Variants in KHDRBS3 observed in about 807,000 individuals in gnomAD.
The protein encoded by KHDRBS3 is KH RNA binding domain containing, signal transduction associated 3, also known as KH domain-containing, RNA-binding, signal transduction-associated protein 3.
KHDRBS3 carries 23 observed loss-of-function variants against 45.6 expected under a neutral mutation model. That is an observed-to-expected ratio of 0.50 (90% CI 0.36 to 0.72). KHDRBS3 has a LOEUF of 0.72. Among genes scored for constraint, KHDRBS3 ranks in the 30% least tolerant of loss-of-function variants. KHDRBS3 has a pLI of 0.00. For missense variants in KHDRBS3, 352 were observed against 424.8 expected, an observed-to-expected ratio of 0.83 and a Z score of 1.51; for synonymous variants, 162 against 156.5, an observed-to-expected ratio of 1.04 and a Z score of -0.26.
chr8:135,645,010 A>G, intron 7 of KHDRBS3, 49 bp from the exon 8 acceptor site: 1 of 1,585,494 alleles, frequency 6.3e-7, no homozygotes, highest in Non-Finnish European at 8.6e-7. Flanking sequence ...TACTGTTGAA[A>G]CTCACAGCCA....
intron 1 of KHDRBS3, among the ~76,000 whole-genome samples, chr8:135,480,546 C>T (rs1279443136): frequency 1.3e-5 from 2 of 152,002 alleles, no homozygotes; most frequent in Non-Finnish European, 2.9e-5. Context: ...TTGTAGAACC[C>T]TGTGTAAGTA....
chr8:135,650,651 TTG>T (rs1831410671), downstream of KHDRBS3, among the ~76,000 whole-genome samples: 1 of 152,216 alleles, frequency 6.6e-6, no homozygotes, highest in South Asian at 2.1e-4. Context: ...CTTAACCATG[TTG>T]TTATACTGTC....
At chr8:135,465,872 A>C (rs1251241729) in intron 1 of KHDRBS3, among the ~76,000 whole-genome samples, 1 of 152,188 alleles carries the variant, frequency 6.6e-6, no homozygotes, top group Non-Finnish European at 1.5e-5. Context: ...CACCCTTTTA[A>C]ATGTCTGTTT....
intron 1 of KHDRBS3, among the ~76,000 whole-genome samples, chr8:135,467,878 C>G (rs890979202): frequency 6.6e-6 from 1 of 152,226 alleles, no homozygotes; most frequent in Non-Finnish European, 1.5e-5. Flanking sequence ...AACTCTCCCT[C>G]ACATCTTTTA....
At chr8:135,563,634 A>C (rs890343815) in intron 5 of KHDRBS3, among the ~76,000 whole-genome samples, 5 of 152,272 alleles carry the variant, frequency 3.3e-5, no homozygotes, top group African/African-American at 1.2e-4. Flanking sequence ...TAATGTGAAT[A>C]AAGTGCTGTA....
intron 3 of KHDRBS3, among the ~76,000 whole-genome samples, chr8:135,544,710 G>A (rs1258364514): frequency 5.9e-5 from 9 of 152,162 alleles, no homozygotes; most frequent in African/African-American, 2.2e-4. Flanking sequence ...GGGACACCCT[G>A]ATTTTACATG....
rs563742769 is a variant in KHDRBS3 at position 135,497,346 on chromosome 8, C to T, written c.89-23891C>T. On this transcript the variant is annotated intron_variant, in intron 1 of 8. Coordinates refer to ENST00000355849, the MANE Select transcript of KHDRBS3 (RefSeq NM_006558.3). ...GGCAGGTTTAGAGGAGTATTTCCGA[C>T]GAGGAGATTGTGTCTTATGACCTCA... Among the ~76,000 whole-genome samples, 12 of 152,238 alleles carry T rather than the reference C, an allele frequency of 7.9e-5. No individual in the cohort carries two copies. In the South Asian group the frequency reaches 1.5e-3, roughly 18 times the overall value.
intron 4 of KHDRBS3, 93 bp from the exon 5 acceptor site, chr8:135,557,355 C>A: frequency 1.6e-6 from 1 of 641,006 alleles, no homozygotes; most frequent in South Asian, 4.6e-5. Flanking sequence ...TTTCCTAACC[C>A]TTTTTTCTAT....
Position 135,548,792 on chromosome 8 carries a change from C to T in KHDRBS3, c.363C>T (p.Phe121=). ...GGAAAAGTGGAGAAGCGAAGTACTT[C>T]CATCTCAATGATGATCTCCATGTTC... ...ELRKSGEAKY[F]HLNDDLHVLI... The change falls in exon 4 of 9, where the codon TTC becomes TTT. Residue 121 remains phenylalanine, a synonymous_variant. Coordinates refer to ENST00000355849, the MANE Select transcript of KHDRBS3 (RefSeq NM_006558.3). The T allele has an allele frequency of 6.3e-7, 1 of 1,580,406 alleles. No individual in the cohort carries two copies. Among genetic ancestry groups the T allele is most frequent in the Non-Finnish European group, 8.6e-7 (1 of 1,163,258 alleles).
At chr8:135,651,607 G>C (rs928696200), downstream of KHDRBS3, among the ~76,000 whole-genome samples, 1 of 152,134 alleles carries the variant, frequency 6.6e-6, no homozygotes, top group Non-Finnish European at 1.5e-5. Context: ...CTTTAAGCTT[G>C]GCCTACTCCA....
chr8:135,597,006 A>C (rs918294060), intron 6 of KHDRBS3, among the ~76,000 whole-genome samples: 4 of 152,210 alleles, frequency 2.6e-5, no homozygotes, highest in African/African-American at 9.6e-5. Flanking sequence ...CTGCTGCTAT[A>C]ATAAAATTAT....
chr8:135,629,662 G>A (rs1049584324), intron 7 of KHDRBS3, among the ~76,000 whole-genome samples: 14 of 152,182 alleles, frequency 9.2e-5, no homozygotes, highest in Admixed American at 3.9e-4. Context: ...ACATACAATC[G>A]TAGTTGATCC....
intron 1 of KHDRBS3, among the ~76,000 whole-genome samples, chr8:135,471,592 A>G (rs559102666): frequency 6.6e-6 from 1 of 152,214 alleles, no homozygotes; most frequent in Non-Finnish European, 1.5e-5. Flanking sequence ...GTGGTGCTGC[A>G]TGGAGCTTTG....
intron 3 of KHDRBS3, among the ~76,000 whole-genome samples, chr8:135,544,811 G>T (rs118100549): frequency 0.01 from 1,547 of 152,236 alleles, 13 homozygotes; most frequent in Middle Eastern, 0.054. Flanking sequence ...GTGGCTGATT[G>T]TGTATATTTC....
chr8:135,463,218 A>C (rs375252044), intron 1 of KHDRBS3, among the ~76,000 whole-genome samples: 102 of 152,296 alleles, frequency 6.7e-4, no homozygotes, highest in African/African-American at 2.3e-3. Context: ...ACGTCTGAGC[A>C]CAGGGCCCTT....
downstream of KHDRBS3, among the ~76,000 whole-genome samples, chr8:135,649,211 A>G (rs898843971): frequency 2.6e-5 from 4 of 152,162 alleles, no homozygotes; most frequent in African/African-American, 9.7e-5. Flanking sequence ...AAAGCATCAA[A>G]AAATACTACT....
At chr8:135,494,273 A>AT (rs386414089) in intron 1 of KHDRBS3, among the ~76,000 whole-genome samples, 3,052 of 78,586 alleles carry the variant, frequency 0.039, 399 homozygotes, top group East Asian at 0.13. Flanking sequence ...TGTTTCTCTT[A>AT]TTTTTTTTTT....
chr8:135,505,045 T>G (rs1199930822), intron 1 of KHDRBS3, among the ~76,000 whole-genome samples: 2 of 152,156 alleles, frequency 1.3e-5, no homozygotes, highest in Non-Finnish European at 2.9e-5. Context: ...CAAAAAAATA[T>G]GCTGATGCCC....
chr8:135,543,355 A>T (rs1215220702), intron 3 of KHDRBS3, among the ~76,000 whole-genome samples: 1 of 152,202 alleles, frequency 6.6e-6, no homozygotes, highest in Admixed American at 6.5e-5. Flanking sequence ...TTTCTTAAAT[A>T]TGCCAATTCT....
Sources: allele counts gnomAD v4.1 joint callset (sites outside exome capture counted in the v4.1 genomes callset), GRCh38; gene constraint gnomAD v4.1.1; transcripts MANE v1.5; gene names NCBI Gene and HGNC (gene_info 2026-07-23, HGNC 2026-07-21).